Variants in RASGRF2 observed in about 807,000 individuals in gnomAD.
RASGRF2 encodes the protein Ras protein specific guanine nucleotide releasing factor 2.
RASGRF2 carries 76 observed loss-of-function variants against 151.0 expected under a neutral mutation model. The observed-to-expected ratio is 0.50, with a 90% confidence interval of 0.42 to 0.61. The LOEUF (loss-of-function observed/expected upper bound fraction) is 0.61, where lower values mean the gene tolerates loss of function less well. RASGRF2 is among the 20% of genes least tolerant of loss of function. The pLI, the probability that RASGRF2 is intolerant of heterozygous loss-of-function variation, is 0.00. For missense variants in RASGRF2, 1,148 were observed against 1,564.6 expected (o/e 0.73, Z 4.49); for synonymous variants, 504 against 566.5 (o/e 0.89, Z 1.57).
intron 1 of RASGRF2, among the ~76,000 whole-genome samples, chr5:81,030,417 A>G (rs895401799): frequency 7.2e-5 from 11 of 152,242 alleles, no homozygotes; most frequent in African/African-American, 2.2e-4. Context: ...CAGGTTACCC[A>G]CAAAGGGAAG....
intron 18 of RASGRF2, among the ~76,000 whole-genome samples, chr5:81,198,240 G>A (rs539086945): frequency 6.6e-6 from 1 of 152,192 alleles, no homozygotes; most frequent in South Asian, 2.1e-4. Flanking sequence ...GTATACAACA[G>A]GAAGTTTTCC....
intron 1 of RASGRF2, among the ~76,000 whole-genome samples, chr5:80,993,641 T>C (rs1223722513): frequency 6.6e-6 from 1 of 152,146 alleles, no homozygotes; most frequent in Non-Finnish European, 1.5e-5. Context: ...CCTAGTGCAG[T>C]GCCCAGGGCT....
In RASGRF2 at chr5:81,190,167, C is replaced by T. The variant is rs144510864; in HGVS notation, c.2793+9886C>T. Among the ~76,000 whole-genome samples the T allele has an allele frequency of 9.8e-5, 15 of 152,292 alleles. No homozygotes were observed. In the East Asian group the frequency reaches 1.4e-3, roughly 14 times the overall value. ...TCACAAACAGATTCCCCATGACAGC[C>T]GCCCAAATGAAATAGAGAATGCTCC... On this transcript the variant is annotated intron_variant, in intron 18 of 26. Coordinates refer to ENST00000265080, the MANE Select transcript of RASGRF2 (RefSeq NM_006909.3).
intron 26 of RASGRF2, among the ~76,000 whole-genome samples, chr5:81,224,509 C>T (rs1016777224): frequency 2.0e-5 from 3 of 152,198 alleles, no homozygotes; most frequent in South Asian, 4.1e-4. Flanking sequence ...GAGCACTTAT[C>T]TTAGGACCTA....
chr5:81,206,921 T>C lies in RASGRF2; in HGVS notation c.2967+16T>C. 1.3e-6 allele frequency: 2 copies of C among 1,571,102 alleles called. No homozygotes were observed. Among genetic ancestry groups the C allele is most frequent in the Non-Finnish European group, 1.8e-6 (2 of 1,141,170 alleles). On this transcript the variant is annotated intron_variant, in intron 20 of 26. Coordinates refer to ENST00000265080, the MANE Select transcript of RASGRF2 (RefSeq NM_006909.3). ...AATTCAAATGGTAAGTCTGACCACA[T>C]TTTTATCTAGCACAACTATGTGCAA...
chr5:81,161,313 G>A (rs528952189), intron 17 of RASGRF2, among the ~76,000 whole-genome samples: 2 of 152,314 alleles, frequency 1.3e-5, no homozygotes, highest in East Asian at 3.9e-4. Context: ...ACATAGGCAA[G>A]CTCTCCTAGA....
chr5:81,090,672 A>G (rs908138117), intron 9 of RASGRF2, among the ~76,000 whole-genome samples: 2 of 152,162 alleles, frequency 1.3e-5, no homozygotes, highest in African/African-American at 4.8e-5. Context: ...ATTATAGATT[A>G]AGCATATTAG....
chr5:81,176,370 G>A (rs1580381762), intron 17 of RASGRF2, among the ~76,000 whole-genome samples: 1 of 152,136 alleles, frequency 6.6e-6, no homozygotes, highest in Admixed American at 6.5e-5. Flanking sequence ...CAAATATTTG[G>A]GGGGCTTTAG....
intron 16 of RASGRF2, among the ~76,000 whole-genome samples, chr5:81,125,960 A>C (rs892098662): frequency 3.9e-5 from 6 of 152,272 alleles, no homozygotes; most frequent in African/African-American, 1.4e-4. Flanking sequence ...CCTTGTTCCA[A>C]AATGCAATAA....
intron 9 of RASGRF2, chr5:81,087,568 A>G: frequency 3.5e-6 from 2 of 571,306 alleles, no homozygotes; most frequent in Non-Finnish European, 6.2e-6. Flanking sequence ...TGAAGAGTTG[A>G]AGATATTTGT....
intron 17 of RASGRF2, among the ~76,000 whole-genome samples, chr5:81,135,964 C>T (rs173596): frequency 0.57 from 86,606 of 152,026 alleles, 27,239 homozygotes; most frequent in East Asian, 0.81. Context: ...TGTAATATTA[C>T]TGTGAGTTAT....
chr5:81,035,463 G>A (rs977560235), intron 1 of RASGRF2, among the ~76,000 whole-genome samples: 3 of 152,058 alleles, frequency 2.0e-5, no homozygotes, highest in Non-Finnish European at 4.4e-5. Flanking sequence ...GGCCTGTCGT[G>A]GGGTGGGGCG....
At chr5:81,143,015 G>A (rs1247554546) in intron 17 of RASGRF2, among the ~76,000 whole-genome samples, 1 of 152,146 alleles carries the variant, frequency 6.6e-6, no homozygotes, top group African/African-American at 2.4e-5. Flanking sequence ...GTTTTCTGTG[G>A]TGAAAAATAT....
intron 1 of RASGRF2, among the ~76,000 whole-genome samples, chr5:81,015,425 TAAAC>T (rs1212236707): frequency 3.3e-5 from 5 of 152,166 alleles, no homozygotes; most frequent in East Asian, 1.9e-4. Context: ...AAATAAATAA[TAAAC>T]AAAGGAATCA....
chr5:81,076,431 T>C (rs1222247964), intron 5 of RASGRF2, among the ~76,000 whole-genome samples: 2 of 152,170 alleles, frequency 1.3e-5, no homozygotes, highest in African/African-American at 4.8e-5. Context: ...CTTCTGTAGT[T>C]AGGAGGCAAG....
intron 15 of RASGRF2, among the ~76,000 whole-genome samples, chr5:81,118,257 G>A (rs1390353811): frequency 1.3e-5 from 2 of 152,252 alleles, no homozygotes; most frequent in Admixed American, 1.3e-4. Flanking sequence ...GAAGGAAGCT[G>A]TGCCTTCACA....
intron 16 of RASGRF2, among the ~76,000 whole-genome samples, 164 bp downstream of exon 16, chr5:81,123,931 C>T (rs1346675606): frequency 6.6e-6 from 1 of 152,184 alleles, no homozygotes; most frequent in African/African-American, 2.4e-5. Flanking sequence ...TCTGTGGGTT[C>T]CACATCCATG....
At position 81,128,156 on chromosome 5, in the gene RASGRF2, G is replaced by A. The variant is rs536330838; in HGVS notation, c.2686+993G>A. On this transcript the variant is annotated intron_variant, in intron 17 of 26. Transcript: ENST00000265080. Reference sequence around the variant, plus strand: ...TGGGGAGGAAGGGAAGCGGGGAGCTGTTTGGTAAAAGGATAAAAGGTTCAG... The same window carrying A: ...TGGGGAGGAAGGGAAGCGGGGAGCTATTTGGTAAAAGGATAAAAGGTTCAG... 7.2e-5 allele frequency among the ~76,000 whole-genome samples: 11 copies of A among 152,174 alleles called. No homozygotes were observed. The East Asian group carries it at 2.1e-3, about 30-fold the overall frequency.
chr5:81,120,126 C>T (rs1753266555), intron 15 of RASGRF2, among the ~76,000 whole-genome samples: 1 of 152,174 alleles, frequency 6.6e-6, no homozygotes, highest in East Asian at 1.9e-4. Flanking sequence ...CCTGATCCCT[C>T]CCTTAATCCT....
Sources: gnomAD v4.1 joint callset for allele counts (sites outside exome capture counted in the v4.1 genomes callset) on GRCh38, gnomAD v4.1.1 for gene constraint, MANE v1.5 for transcripts, NCBI Gene and HGNC (gene_info 2026-07-23, HGNC 2026-07-21) for gene names.